ZNF66: variants seen among roughly 807,000 people sequenced by gnomAD.
ZNF66 encodes zinc finger protein 66, also known as putative zinc finger protein 66.
In ZNF66, 32 loss-of-function variants were observed where a neutral mutation model predicts 35.2. The ratio of observed to expected loss-of-function variants is 0.91; its 90% CI spans 0.69 to 1.22. The LOEUF (loss-of-function observed/expected upper bound fraction) is 1.22, where lower values mean the gene tolerates loss of function less well. Ranked by LOEUF, ZNF66 falls within the 50% of genes most tolerant of loss-of-function variation. The probability of loss-of-function intolerance (pLI) is 0.00; values close to 1 mark genes in which losing one functional copy is unlikely to be tolerated. For synonymous variants in ZNF66, 231 were observed against 181.3 expected (o/e 1.27, Z -2.20); for missense variants, 666 against 543.1 (o/e 1.23, Z -2.25).
At chr19:20,798,554 C>G (rs1038287609) in intron 3 of ZNF66, among the ~76,000 whole-genome samples, 8 of 152,022 alleles carry the variant, frequency 5.3e-5, no homozygotes, top group African/African-American at 1.9e-4. Context: ...CAGTGAGACC[C>G]CGTCTCAAAA....
In ZNF66 at chr19:20,806,709, A is replaced by G. The variant is rs1206211771; in HGVS notation, c.1109A>G (p.Lys370Arg). The stretch of plus-strand genomic sequence containing the variant: ...ATCCATACTGGAGAGAAACCCTACA[A>G]ATGTGAAGAATGTGGTGAAGCCTTT... ...KIIHTGEKPY[K>R]CEECGEAFKY... Residue 370 changes from lysine to arginine, a missense_variant, in exon 4 of 4, where the codon AAA becomes AGA. By Grantham distance (26) the Lys-to-Arg change is conservative. Transcript: ENST00000344519. 6.9e-7 allele frequency: 1 copy of G among 1,441,866 alleles called. No individual in the cohort carries two copies. The highest frequency in any genetic ancestry group is 9.7e-7 in the Non-Finnish European group (1 of 1,025,944). 89.3% of individuals were successfully genotyped at this position (1,441,866 alleles called of 1,614,324 possible). A position where few individuals can be genotyped will look rare whatever the true frequency, so the allele number is the denominator to read the frequency against.
rs1184996694 is a variant in ZNF66, at chr19:20,809,241, C to G, written c.*1919C>G. 6.6e-6 allele frequency among the ~76,000 whole-genome samples: 1 copy of G among 152,112 alleles called. No individual in the cohort carries two copies. Among genetic ancestry groups the G allele is most frequent in the African/African-American group, 2.4e-5 (1 of 41,400 alleles). On this transcript the variant is annotated 3_prime_UTR_variant, in exon 4 of 4. Transcript: ENST00000344519. ...AAAGTGAGGGGGAGAATGGAACCAA[C>G]TTGGAAAACACTCTGCAGGATATTA...
chr19:20,802,585 G>A (rs944278178), intron 3 of ZNF66, among the ~76,000 whole-genome samples: 1 of 152,132 alleles, frequency 6.6e-6, no homozygotes, highest in African/African-American at 2.4e-5. Context: ...AATGTGTTAA[G>A]GCTTCATTTT....
chr19:20,806,506 A>C lies in ZNF66; in HGVS notation c.906A>C (p.Thr302=). The change falls in exon 4 of 4, where the codon ACA becomes ACC. Residue 302 remains threonine, a synonymous_variant. Coordinates refer to ENST00000344519, the MANE Select transcript of ZNF66 (RefSeq NM_001355197.2). The part of the protein sequence containing the change: ...KVFKYLSSLS[T]HKIIHTGEKP... ...TTAAGTACCTTTCTTCCCTTTCTAC[A>C]CATAAGATAATTCATACTGGAGAGA... 6.6e-7 allele frequency: 1 copy of C among 1,522,890 alleles called. No homozygotes were observed. The highest frequency in any genetic ancestry group is 9.1e-7 in the Non-Finnish European group (1 of 1,098,278). The allele number at this position is 1,522,890 out of a possible 1,614,324, so 94.3% of individuals were successfully genotyped here.
chr19:20,794,985 C>T lies in ZNF66; in HGVS notation c.226+1107C>T, dbSNP rs113658687. Among the ~76,000 whole-genome samples, 490 of 151,148 alleles carry T rather than the reference C, an allele frequency of 3.2e-3. 2 individuals carry two copies. The highest frequency in any genetic ancestry group is 0.011 in the African/African-American group (470 of 40,948). On this transcript the variant is annotated intron_variant, in intron 3 of 3. Transcript: ENST00000344519. ...CTCCTGGGCTCAAGTGGCTCTCCTGCCTCAGCCTCCTGAGTAGCTGGGATT... is the reference window on the plus strand; with the variant it reads ...CTCCTGGGCTCAAGTGGCTCTCCTGTCTCAGCCTCCTGAGTAGCTGGGATT...
chr19:20,793,033 C>T (rs979681309), intron 2 of ZNF66, among the ~76,000 whole-genome samples: 3 of 150,988 alleles, frequency 2.0e-5, no homozygotes, highest in African/African-American at 4.9e-5. Context: ...TGACATTGCA[C>T]TGCAGCCTGG....
rs1237779561 is a variant in ZNF66, at chr19:20,809,251, ACT to A, written c.*1932_*1933del. 2.0e-5 allele frequency among the ~76,000 whole-genome samples: 3 copies of A among 152,158 alleles called. No homozygotes were observed. Among genetic ancestry groups the A allele is most frequent in the East Asian group, 1.9e-4 (1 of 5,194 alleles). On this transcript the variant is annotated 3_prime_UTR_variant, in exon 4 of 4. Transcript: ENST00000344519. Reference sequence around the variant, plus strand: ...GGAGAATGGAACCAACTTGGAAAACACTCTGCAGGATATTATCCAGGAGAACT... The same window carrying A: ...GGAGAATGGAACCAACTTGGAAAACACTGCAGGATATTATCCAGGAGAACT...
At chr19:20,800,711 C>A (rs1971440105) in intron 3 of ZNF66, among the ~76,000 whole-genome samples, 1 of 152,190 alleles carries the variant, frequency 6.6e-6, no homozygotes, top group Admixed American at 6.5e-5. Context: ...TTTTAAGCTT[C>A]CTGAAATCCT....
At chr19:20,787,770 T>G (rs2144897449) in intron 1 of ZNF66, among the ~76,000 whole-genome samples, 1 of 152,326 alleles carries the variant, frequency 6.6e-6, no homozygotes, top group Non-Finnish European at 1.5e-5. Flanking sequence ...ACCTGTAAAG[T>G]GGAATACTGG....
At chr19:20,800,638 CCTCACACTTA>C (rs1169005514) in intron 3 of ZNF66, among the ~76,000 whole-genome samples, 4 of 152,130 alleles carry the variant, frequency 2.6e-5, no homozygotes, top group Non-Finnish European at 5.9e-5. Flanking sequence ...GGCTTCTTCA[CCTCACACTTA>C]CTCTGTCTCT....
chr19:20,805,107 T>TGTGTGTGTG (rs1555783673), intron 3 of ZNF66, among the ~76,000 whole-genome samples: 3 of 147,930 alleles, frequency 2.0e-5, no homozygotes, highest in Admixed American at 6.8e-5. Flanking sequence ...CAATTTACAT[T>TGTGTGTGTG]TGTGTGTGTG....
chr19:20,785,846 A>G (rs977662748), intron 1 of ZNF66, among the ~76,000 whole-genome samples: 4 of 151,736 alleles, frequency 2.6e-5, no homozygotes, highest in Non-Finnish European at 4.4e-5. Flanking sequence ...ACTGCAACCT[A>G]CAGCTCCCGG....
chr19:20,791,728 A>T (rs1984940), intron 1 of ZNF66, among the ~76,000 whole-genome samples: 1 of 152,036 alleles, frequency 6.6e-6, no homozygotes, highest in Non-Finnish European at 1.5e-5. Flanking sequence ...GAATATTTCA[A>T]TAGTGATGCT....
In ZNF66 at chr19:20,808,150, G is replaced by C. The variant is rs564935284; in HGVS notation, c.*828G>C. Among the ~76,000 whole-genome samples, 1 of 152,226 alleles carries C rather than the reference G, an allele frequency of 6.6e-6. No individual in the cohort carries two copies. Among genetic ancestry groups the C allele is most frequent in the African/African-American group, 2.4e-5 (1 of 41,466 alleles). ...GATCAAACTGCAAGGCAGCAGCGAG[G>C]CTGGGGGAGGAGCGCCTGCCATTGC... On this transcript the variant is annotated 3_prime_UTR_variant, in exon 4 of 4. Coordinates refer to ENST00000344519, the MANE Select transcript of ZNF66 (RefSeq NM_001355197.2).
chr19:20,786,708 T>C (rs910577980), intron 1 of ZNF66, among the ~76,000 whole-genome samples: 2 of 152,266 alleles, frequency 1.3e-5, no homozygotes, highest in African/African-American at 2.4e-5. Context: ...AACTGTTCCC[T>C]ATTGGCACAA....
rs529248552 is a variant in ZNF66 at position 20,806,394 on chromosome 19, C to A, written c.794C>A (p.Ala265Asp). 1.4e-5 allele frequency: 22 copies of A among 1,564,642 alleles called. No homozygotes were observed. In the African/African-American group the frequency reaches 2.3e-4, roughly 16 times the overall value. Residue 265 changes from alanine (A) to aspartate (D), a missense_variant, in exon 4 of 4, where the codon GCC becomes GAC. By Grantham distance (126) the Ala-to-Asp change is moderately radical (BLOSUM62 -2). Coordinates refer to ENST00000344519, the MANE Select transcript of ZNF66 (RefSeq NM_001355197.2). The part of the protein sequence containing the change: ...KPYKCEECGK[A>D]FKRSSILTTH... ...TACAAATGTGAAGAATGTGGCAAGG[C>A]CTTTAAGCGCTCCTCTATCCTTACT...
chr19:20,777,866 G>GA (rs1234338771), intron 1 of ZNF66, among the ~76,000 whole-genome samples: 17 of 152,094 alleles, frequency 1.1e-4, no homozygotes, highest in Non-Finnish European at 2.1e-4. Context: ...AAAATATAGG[G>GA]AAAATCTCTC....
chr19:20,793,210 G>T (rs1206691644), intron 2 of ZNF66, among the ~76,000 whole-genome samples: 1 of 151,524 alleles, frequency 6.6e-6, no homozygotes, highest in African/African-American at 2.4e-5. Context: ...AAATATTGTA[G>T]CTTCCACCTG....
chr19:20,805,521 T>C (rs376260), intron 3 of ZNF66, among the ~76,000 whole-genome samples: 14,157 of 152,160 alleles, frequency 0.093, 673 homozygotes, highest in Middle Eastern at 0.11. Context: ...CACAATGTTA[T>C]ACTGGAGAGC....
Sources: gnomAD v4.1 joint callset for allele counts (sites outside exome capture counted in the v4.1 genomes callset) on GRCh38, gnomAD v4.1.1 for gene constraint, MANE v1.5 for transcripts, NCBI Gene and HGNC (gene_info 2026-07-23, HGNC 2026-07-21) for gene names.